The following RAB3GAP1 variants were observed in gnomAD, a reference collection of about 807,000 sequenced individuals.
RAB3GAP1 encodes the protein rab3 GTPase-activating protein catalytic subunit.
RAB3GAP1 carries 86 observed loss-of-function variants against 130.7 expected under a neutral mutation model. The ratio of observed to expected loss-of-function variants is 0.66; its 90% CI spans 0.55 to 0.79. RAB3GAP1 has a LOEUF of 0.79. Ranked by LOEUF, RAB3GAP1 falls within the 30% of genes least tolerant of loss-of-function variation. The pLI is 0.00. For missense variants in RAB3GAP1, 1,029 were observed against 1,169.4 expected, an observed-to-expected ratio of 0.88 and a Z score of 1.75; for synonymous variants, 367 against 401.7, an observed-to-expected ratio of 0.91 and a Z score of 1.03.
downstream of RAB3GAP1, chr2:135,175,248 C>T (rs938855629): frequency 3.9e-5 from 6 of 152,238 alleles, no homozygotes; most frequent in Non-Finnish European, 5.9e-5. Flanking sequence ...GTAAAGCAAA[C>T]CTGTCCAAAA....
Position 135,159,681 on chromosome 2 carries a change from A to G in RAB3GAP1, c.2290-2874A>G, listed in dbSNP as rs75550818. 7.5e-3 allele frequency among the ~76,000 whole-genome samples: 1,140 copies of G among 152,372 alleles called. 34 individuals carry two copies. The highest frequency in any genetic ancestry group is 0.06 in the Admixed American group (918 of 15,298). ...GATAAAAACTAAGGAAACCGCGTAC[A>G]TACATACATGCTGACAGCATTATTC... On this transcript the variant is annotated intron_variant, in intron 19 of 23. Transcript: ENST00000264158.
chr2:135,118,094 C>T (rs1691083996), intron 7 of RAB3GAP1, among the ~76,000 whole-genome samples: 1 of 152,090 alleles, frequency 6.6e-6, no homozygotes, highest in African/African-American at 2.4e-5. Flanking sequence ...AATCCGCCTG[C>T]CCAACCTCCC....
chr2:135,150,465 A>C lies in RAB3GAP1; in HGVS notation c.2020A>C (p.Met674Leu). ...AGAGGGGGCTCACCTTCGAGCACGC[A>C]TGCAGAGTGCCTGTCTGCTCTCAGA... The part of the protein sequence containing the change: ...SAEGAHLRAR[M>L]QSACLLSDME... The change falls in exon 18 of 24, where the codon ATG (methionine) becomes CTG (leucine). Residue 674 changes from methionine (M) to leucine (L), a missense_variant. Met to Leu is a conservative substitution (Grantham distance 15). Transcript: ENST00000264158. The C allele has an allele frequency of 6.2e-7, 1 of 1,614,220 alleles. No individual in the cohort carries two copies. The highest frequency in any genetic ancestry group is 8.5e-7 in the Non-Finnish European group (1 of 1,180,038).
intron 19 of RAB3GAP1, among the ~76,000 whole-genome samples, chr2:135,158,049 G>A (rs1041753063): frequency 6.6e-6 from 1 of 152,090 alleles, no homozygotes; most frequent in African/African-American, 2.4e-5. Context: ...GAAGAACGCA[G>A]TGGCAATGAA....
chr2:135,155,595 T>C (rs986937677), intron 19 of RAB3GAP1, among the ~76,000 whole-genome samples: 1 of 152,066 alleles, frequency 6.6e-6, no homozygotes, highest in African/African-American at 2.4e-5. Flanking sequence ...GCTAGAAAAT[T>C]AGTGGAATAC....
intron 19 of RAB3GAP1, among the ~76,000 whole-genome samples, chr2:135,156,678 A>G (rs1692323792): frequency 6.6e-6 from 1 of 152,190 alleles, no homozygotes; most frequent in Non-Finnish European, 1.5e-5. Context: ...TAAACACAGC[A>G]TCTTAATTTG....
In RAB3GAP1 at chr2:135,170,534, A is replaced by G. The variant is rs1363658004; in HGVS notation, c.*1753A>G. ...TACAAGCAATGAAGATAAAACAGAA[A>G]CCAAAACACACTCCCTTACAGGGAA... On this transcript the variant is annotated 3_prime_UTR_variant, in exon 24 of 24. Coordinates refer to ENST00000264158, the MANE Select transcript of RAB3GAP1 (RefSeq NM_012233.3). 1 of 152,224 alleles carries G rather than the reference A, an allele frequency of 6.6e-6. No homozygotes were observed. Among genetic ancestry groups the G allele is most frequent in the Admixed American group, 6.5e-5 (1 of 15,284 alleles). The allele number at this position is 152,224 out of a possible 1,614,324, so 9.4% of individuals were successfully genotyped here.
intron 11 of RAB3GAP1, among the ~76,000 whole-genome samples, chr2:135,128,678 T>G (rs1170498407): frequency 1.3e-5 from 2 of 152,242 alleles, no homozygotes; most frequent in Admixed American, 1.3e-4. Context: ...TTATAGACTT[T>G]TCCTACCTTT....
At chr2:135,101,874 T>G (rs1164204712) in intron 5 of RAB3GAP1, among the ~76,000 whole-genome samples, 1 of 152,210 alleles carries the variant, frequency 6.6e-6, no homozygotes, top group Non-Finnish European at 1.5e-5. Context: ...ATTGTTATGC[T>G]TCATGATAAT....
chr2:135,124,061 T>C, intron 8 of RAB3GAP1, 104 bp from the exon 9 acceptor site: 3 of 1,101,696 alleles, frequency 2.7e-6, no homozygotes, highest in Non-Finnish European at 4.1e-6. Flanking sequence ...CTACATGTGT[T>C]CTCTTGCAGA....
chr2:135,148,426 A>G (rs574153147), intron 17 of RAB3GAP1, among the ~76,000 whole-genome samples: 128 of 152,088 alleles, frequency 8.4e-4, no homozygotes, highest in African/African-American at 2.8e-3. Context: ...CTTTACCCCA[A>G]TATACTAGAG....
intron 5 of RAB3GAP1, among the ~76,000 whole-genome samples, chr2:135,099,649 T>G (rs1202174660): frequency 2.0e-5 from 3 of 150,846 alleles, no homozygotes; most frequent in African/African-American, 7.4e-5. Context: ...TTTGAGAGAG[T>G]GTAAAATTTT....
At chr2:135,120,163 CT>C (rs1246284687) in intron 7 of RAB3GAP1, among the ~76,000 whole-genome samples, 2 of 151,986 alleles carry the variant, frequency 1.3e-5, no homozygotes, top group Admixed American at 6.5e-5. Context: ...AATGAATCAC[CT>C]TTTTTTCACA....
At chr2:135,156,276 C>A (rs188648585) in intron 19 of RAB3GAP1, among the ~76,000 whole-genome samples, 1 of 152,072 alleles carries the variant, frequency 6.6e-6, no homozygotes, top group African/African-American at 2.4e-5. Context: ...CCATATAGTT[C>A]CAATGCTACA....
chr2:135,104,578 C>T (rs1000785334), intron 5 of RAB3GAP1, among the ~76,000 whole-genome samples: 5 of 152,038 alleles, frequency 3.3e-5, no homozygotes, highest in Non-Finnish European at 7.4e-5. Context: ...GGCGGCCAGG[C>T]GTGGTGGCTC....
chr2:135,130,316 A>G (rs1691494961), intron 12 of RAB3GAP1, among the ~76,000 whole-genome samples: 1 of 152,206 alleles, frequency 6.6e-6, no homozygotes, highest in Non-Finnish European at 1.5e-5. Context: ...TTTGAAAAGC[A>G]GAGTTTTAGA....
chr2:135,155,049 T>C (rs535715386), intron 19 of RAB3GAP1, among the ~76,000 whole-genome samples: 1 of 152,128 alleles, frequency 6.6e-6, no homozygotes. Flanking sequence ...AGAAAATCAG[T>C]CACAAAGCAG....
At chr2:135,151,795 A>G (rs1022753802) in intron 18 of RAB3GAP1, among the ~76,000 whole-genome samples, 1 of 152,244 alleles carries the variant, frequency 6.6e-6, no homozygotes, top group African/African-American at 2.4e-5. Context: ...GTAATTTTCC[A>G]TCTGACCTCT....
intron 3 of RAB3GAP1, among the ~76,000 whole-genome samples, chr2:135,087,330 A>C (rs1690016948): frequency 6.6e-6 from 1 of 152,200 alleles, no homozygotes; most frequent in Non-Finnish European, 1.5e-5. Flanking sequence ...AAAATCAGGT[A>C]GTATACTTAT....
Sources: allele counts gnomAD v4.1 joint callset (sites outside exome capture counted in the v4.1 genomes callset), GRCh38; gene constraint gnomAD v4.1.1; transcripts MANE v1.5; gene names NCBI Gene and HGNC (gene_info 2026-07-23, HGNC 2026-07-21).